Variants in SCN2A observed in about 807,000 individuals in gnomAD.
SCN2A encodes sodium voltage-gated channel alpha subunit 2.
A neutral mutation model predicts 188.7 loss-of-function variants in SCN2A; 20 were observed. The observed-to-expected ratio is 0.11, with a 90% CI of 0.07 to 0.15. The LOEUF is 0.15. Among genes scored for constraint, SCN2A ranks in the 10% least tolerant of loss-of-function variants. The pLI is 1.00. For synonymous variants in SCN2A, 804 were observed against 833.1 expected (o/e 0.97, Z 0.60); for missense variants, 1,278 against 2,445.0 (o/e 0.52, Z 10.07).
intron 6 of SCN2A, 30 bp from the exon 7 acceptor site, chr2:165,310,293 T>A: frequency 6.2e-7 from 1 of 1,612,934 alleles, no homozygotes; most frequent in East Asian, 2.2e-5. Context: ...AGTAGTATAT[T>A]TAAATTCCCC....
chr2:165,358,052 T>C (rs1426663986), intron 17 of SCN2A, among the ~76,000 whole-genome samples: 1 of 152,206 alleles, frequency 6.6e-6, no homozygotes, highest in Non-Finnish European at 1.5e-5. Flanking sequence ...AAAAGTGATT[T>C]AGCTGCTAAT....
chr2:165,379,881 G>A (rs892157115), intron 23 of SCN2A, among the ~76,000 whole-genome samples: 44 of 151,698 alleles, frequency 2.9e-4, no homozygotes, highest in Admixed American at 2.2e-3. Flanking sequence ...CAGCTAAGGC[G>A]CAAACCTACT....
intron 1 of SCN2A, among the ~76,000 whole-genome samples, chr2:165,250,653 A>T (rs1217177602): frequency 6.6e-6 from 1 of 152,030 alleles, no homozygotes; most frequent in East Asian, 1.9e-4. Context: ...GTACACACAC[A>T]TATACACAGC....
intron 1 of SCN2A, among the ~76,000 whole-genome samples, chr2:165,240,535 A>G (rs1306287632): frequency 6.6e-6 from 1 of 152,180 alleles, no homozygotes; most frequent in Non-Finnish European, 1.5e-5. Context: ...AGACATATAG[A>G]AATCCTATAT....
chr2:165,299,612 C>CAATT (rs1574533426), intron 3 of SCN2A, among the ~76,000 whole-genome samples: 3 of 152,296 alleles, frequency 2.0e-5, no homozygotes, highest in Admixed American at 6.5e-5. Flanking sequence ...GATGCTGGTG[C>CAATT]AATTGATCAA....
intron 4 of SCN2A, 132 bp downstream of exon 4, chr2:165,308,069 TTC>T: frequency 1.3e-6 from 1 of 747,544 alleles, no homozygotes; most frequent in Middle Eastern, 3.7e-4. Context: ...TCAAATTCAT[TTC>T]TGTCACTAAA....
Position 165,326,935 on chromosome 2 carries a change from A to G in SCN2A, c.2100A>G (p.Ser700=). Residue 700 remains serine (S), a synonymous_variant, in exon 13 of 27, where the codon TCA becomes TCG. Coordinates refer to ENST00000375437, the MANE Select transcript of SCN2A (RefSeq NM_001040142.2). ...TGGATTTATTGGAAGATCCTACATC[A>G]AGGCAAAGAGCAATGAGTATAGCCA... ...VSMDLLEDPT[S]RQRAMSIASI... The G allele has an allele frequency of 6.2e-7, 1 of 1,614,062 alleles. No individual in the cohort carries two copies. The highest frequency in any genetic ancestry group is 1.1e-5 in the South Asian group (1 of 91,080).
intron 1 of SCN2A, among the ~76,000 whole-genome samples, chr2:165,291,525 T>TTTCCTTCCTTCCTTCCTTCCTTCC (rs369490510): frequency 8.5e-5 from 5 of 58,636 alleles, no homozygotes; most frequent in African/African-American, 4.0e-4. Flanking sequence ...CTCTCCTTTC[T>TTTCCTTCCTTCCTTCCTTCCTTCC]TTCCTTCCTT....
At chr2:165,349,436 A>G (rs4667808) in intron 16 of SCN2A, among the ~76,000 whole-genome samples, 31,487 of 152,098 alleles carry the variant, frequency 0.21, 3,970 homozygotes, top group East Asian at 0.34. Flanking sequence ...GAATAGATTT[A>G]AAGAGGATGA....
chr2:165,302,872 T>C (rs1696898731), intron 3 of SCN2A, among the ~76,000 whole-genome samples: 1 of 152,236 alleles, frequency 6.6e-6, no homozygotes, highest in Non-Finnish European at 1.5e-5. Flanking sequence ...CTTCATAATA[T>C]ACACAAAGGA....
At chr2:165,277,457 A>C (rs1695397086) in intron 1 of SCN2A, among the ~76,000 whole-genome samples, 1 of 152,236 alleles carries the variant, frequency 6.6e-6, no homozygotes, top group Admixed American at 6.5e-5. Flanking sequence ...GAAATAAAGC[A>C]AAGGAAATAT....
At chr2:165,382,947 T>C (rs919787980) in intron 25 of SCN2A, among the ~76,000 whole-genome samples, 1 of 152,158 alleles carries the variant, frequency 6.6e-6, no homozygotes, top group African/African-American at 2.4e-5. Flanking sequence ...GAGCTTGAGT[T>C]TGTTTCCATC....
intron 1 of SCN2A, among the ~76,000 whole-genome samples, chr2:165,263,017 G>T (rs1453874419): frequency 6.6e-6 from 1 of 152,008 alleles, no homozygotes. Context: ...TTTTTCATAT[G>T]TTTGTTGCCC....
chr2:165,272,549 C>G (rs191687667), intron 1 of SCN2A: 178 of 152,160 alleles, frequency 1.2e-3, no homozygotes, highest in African/African-American at 4.0e-3. Flanking sequence ...TACCCAACAA[C>G]TTCAGAATAT....
At chr2:165,342,132 T>C (rs922255774) in intron 14 of SCN2A, among the ~76,000 whole-genome samples, 164 bp from the exon 15 acceptor site, 17 of 152,230 alleles carry the variant, frequency 1.1e-4, no homozygotes, top group African/African-American at 3.9e-4. Flanking sequence ...TGAACAATTA[T>C]TGATTTGAAT....
intron 11 of SCN2A, among the ~76,000 whole-genome samples, chr2:165,316,614 A>C (rs1697764318): frequency 1.3e-5 from 2 of 152,304 alleles, no homozygotes; most frequent in South Asian, 4.1e-4. Flanking sequence ...CTGTGTTGTT[A>C]TTTGCAATAT....
intron 16 of SCN2A, among the ~76,000 whole-genome samples, chr2:165,346,816 A>G (rs960909591): frequency 3.9e-5 from 6 of 152,252 alleles, no homozygotes; most frequent in African/African-American, 1.4e-4. Context: ...GAAGACATTT[A>G]TGTGGCCAAC....
chr2:165,251,466 G>A (rs998218292), intron 1 of SCN2A, among the ~76,000 whole-genome samples: 4 of 152,096 alleles, frequency 2.6e-5, no homozygotes, highest in Non-Finnish European at 2.9e-5. Context: ...GCAAAGTGCT[G>A]CGTATGTTGA....
intron 1 of SCN2A, among the ~76,000 whole-genome samples, chr2:165,245,807 A>G (rs897856324): frequency 2.6e-5 from 4 of 152,236 alleles, no homozygotes; most frequent in Non-Finnish European, 5.9e-5. Context: ...AAACTTCTAC[A>G]TTTAATCAGT....
Sources: gnomAD v4.1 joint callset for allele counts (sites outside exome capture counted in the v4.1 genomes callset) on GRCh38, gnomAD v4.1.1 for gene constraint, MANE v1.5 for transcripts, NCBI Gene and HGNC (gene_info 2026-07-23, HGNC 2026-07-21) for gene names.